The following ARHGEF10 variants were observed in gnomAD, a reference collection of about 807,000 sequenced individuals.
ARHGEF10 encodes Rho guanine nucleotide exchange factor (GEF) 10.
In ARHGEF10, 140 loss-of-function variants were observed where a neutral mutation model predicts 147.4. The ratio of observed to expected loss-of-function variants is 0.95; its 90% CI spans 0.83 to 1.09. The LOEUF is 1.09. Ranked by LOEUF, ARHGEF10 falls within the 50% of genes least tolerant of loss-of-function variation. The pLI, the probability that ARHGEF10 is intolerant of heterozygous loss-of-function variation, is 0.00. For synonymous variants in ARHGEF10, 902 were observed against 695.8 expected, an observed-to-expected ratio of 1.30 and a Z score of -4.67; for missense variants, 2,222 against 1,752.7, an observed-to-expected ratio of 1.27 and a Z score of -4.78.
intron 25 of ARHGEF10, among the ~76,000 whole-genome samples, chr8:1,930,132 C>T (rs1291137716): frequency 1.3e-5 from 2 of 152,026 alleles, no homozygotes; most frequent in Non-Finnish European, 2.9e-5. Context: ...CCTGGCCCCT[C>T]ACTCAGCTCT....
chr8:1,911,616 A>G (rs1811361200), intron 18 of ARHGEF10, among the ~76,000 whole-genome samples: 1 of 152,200 alleles, frequency 6.6e-6, no homozygotes, highest in African/African-American at 2.4e-5. Flanking sequence ...TGGGACTGGC[A>G]GGGCTTCTAT....
intron 28 of ARHGEF10, 149 bp from the exon 29 acceptor site, chr8:1,956,600 T>G (rs924489279): frequency 1.3e-5 from 10 of 748,874 alleles, no homozygotes; most frequent in Non-Finnish European, 2.3e-5. Context: ...ATTTTCATCG[T>G]AGCTTATTAT....
intron 17 of ARHGEF10, among the ~76,000 whole-genome samples, chr8:1,907,359 G>C (rs1810979608): frequency 6.6e-6 from 1 of 152,150 alleles, no homozygotes; most frequent in Non-Finnish European, 1.5e-5. Context: ...CTGCAAGTTG[G>C]CCCACACGAT....
chr8:1,939,512 G>T (rs1813905022), intron 26 of ARHGEF10, among the ~76,000 whole-genome samples: 1 of 152,260 alleles, frequency 6.6e-6, no homozygotes, highest in Non-Finnish European at 1.5e-5. Context: ...AAATCCAGGG[G>T]CATTGCATCC....
At position 1,869,220 on chromosome 8, in the gene ARHGEF10, G is replaced by T. The variant is rs956948650; in HGVS notation, c.649G>T (p.Val217Phe). 6.2e-7 allele frequency: 1 copy of T among 1,613,930 alleles called. No individual in the cohort carries two copies. The highest frequency in any genetic ancestry group is 8.5e-7 in the Non-Finnish European group (1 of 1,179,920). ...ENPEEAIYDDVPRENSDSEPD... is the reference protein window; with the variant it reads ...ENPEEAIYDDFPRENSDSEPD... ...TCCAGAGGAAGCAATTTACGATGAC[G>T]TTCCAAGGGAAAACTCAGACTCTGA... The change falls in exon 7 of 29, where the codon GTT becomes TTT. Residue 217 changes from valine (V) to phenylalanine (F), a missense_variant. Physicochemically the swap from Val to Phe is conservative, Grantham distance 50. Coordinates refer to ENST00000349830, the MANE Select transcript of ARHGEF10 (RefSeq NM_014629.4).
chr8:1,897,679 G>A (rs1199666693), intron 14 of ARHGEF10, among the ~76,000 whole-genome samples: 1 of 152,234 alleles, frequency 6.6e-6, no homozygotes, highest in Admixed American at 6.5e-5. Context: ...TTTGGCTAGG[G>A]AACCATCTCT....
intron 1 of ARHGEF10, among the ~76,000 whole-genome samples, chr8:1,836,947 C>T (rs1198607879): frequency 2.6e-5 from 4 of 152,212 alleles, no homozygotes; most frequent in Non-Finnish European, 5.9e-5. Flanking sequence ...AAGTGCCTTT[C>T]ACCTCCCACA....
In ARHGEF10 at chr8:1,911,635, G is replaced by A. The variant is rs527738121; in HGVS notation, c.2143+2165G>A. On this transcript the variant is annotated intron_variant, in intron 18 of 28. Coordinates refer to ENST00000349830, the MANE Select transcript of ARHGEF10 (RefSeq NM_014629.4). The stretch of plus-strand genomic sequence containing the variant: ...ACTGGCAGGGCTTCTATCCCGACAC[G>A]TCTGGATTCATCCAGGGTGGACCGA... 3.9e-5 allele frequency among the ~76,000 whole-genome samples: 6 copies of A among 152,258 alleles called. No homozygotes were observed. In the East Asian group the frequency reaches 5.8e-4, roughly 15 times the overall value.
chr8:1,900,020 G>A (rs1319593551), intron 15 of ARHGEF10, among the ~76,000 whole-genome samples: 1 of 152,230 alleles, frequency 6.6e-6, no homozygotes, highest in African/African-American at 2.4e-5. Context: ...AGGGACGACA[G>A]CAAGTGCTGA....
Position 1,948,120 on chromosome 8 carries a change from T to G in ARHGEF10, c.3397+2465T>G, listed in dbSNP as rs555909652. ...TAGTTTCCAGGCGGCCGATGATGGA[T>G]CCATCCCAAGCCCACCACAAGCCTC... On this transcript the variant is annotated intron_variant, in intron 27 of 28. Coordinates refer to ENST00000349830, the MANE Select transcript of ARHGEF10 (RefSeq NM_014629.4). This position sits in a 1 kb window ranked among gnomAD's most constrained non-coding sequence, Gnocchi z 4.9. 2.0e-5 allele frequency among the ~76,000 whole-genome samples: 3 copies of G among 152,100 alleles called. No homozygotes were observed. Among genetic ancestry groups the G allele is most frequent in the African/African-American group, 7.2e-5 (3 of 41,508 alleles).
At chr8:1,952,910 C>T (rs1815173264) in intron 28 of ARHGEF10, 83 bp downstream of exon 28, 1 of 1,575,492 alleles carries the variant, frequency 6.3e-7, no homozygotes, top group African/African-American at 1.3e-5. Context: ...GATTTAACAT[C>T]CTAGGATTCT....
intron 11 of ARHGEF10, among the ~76,000 whole-genome samples, chr8:1,889,075 G>A (rs1269153145): frequency 9.3e-6 from 1 of 107,430 alleles, no homozygotes; most frequent in East Asian, 3.3e-4. Context: ...AGTGATTGGG[G>A]TGAGGGGTCC....
At chr8:1,857,932 T>G in intron 2 of ARHGEF10, 28 bp from the exon 3 acceptor site, 1 of 1,472,358 alleles carries the variant, frequency 6.8e-7, no homozygotes, top group Non-Finnish European at 9.5e-7. Flanking sequence ...CTATCTCTCC[T>G]TGATGTGGTT....
At chr8:1,852,289 G>C (rs566723091) in intron 2 of ARHGEF10, among the ~76,000 whole-genome samples, 90 of 65,512 alleles carry the variant, frequency 1.4e-3, no homozygotes, top group African/African-American at 5.7e-3. Context: ...CATCATCCTG[G>C]AGAGGACCGG....
intron 17 of ARHGEF10, among the ~76,000 whole-genome samples, chr8:1,906,220 A>G (rs1810879416): frequency 6.6e-6 from 1 of 152,236 alleles, no homozygotes; most frequent in South Asian, 2.1e-4. Context: ...TGAGAAACTA[A>G]AAGGTCTTCA....
chr8:1,849,074 C>T (rs1236270007), intron 2 of ARHGEF10, among the ~76,000 whole-genome samples: 1 of 152,206 alleles, frequency 6.6e-6, no homozygotes, highest in Non-Finnish European at 1.5e-5. Flanking sequence ...CCCCTAGACA[C>T]CGCTCCCCAC....
At chr8:1,939,672 C>T (rs890093157) in intron 26 of ARHGEF10, among the ~76,000 whole-genome samples, 7 of 152,296 alleles carry the variant, frequency 4.6e-5, no homozygotes, top group African/African-American at 1.2e-4. Context: ...GGAGAAAAAC[C>T]GGGATGCCAC....
intron 2 of ARHGEF10, among the ~76,000 whole-genome samples, chr8:1,851,913 CAA>C (rs10716531): frequency 3.5e-4 from 50 of 142,554 alleles, no homozygotes; most frequent in Middle Eastern, 3.6e-3. Flanking sequence ...GACTCTGTCT[CAA>C]AAAAAAAAAA....
intron 17 of ARHGEF10, 81 bp from the exon 18 acceptor site, chr8:1,909,214 A>G: frequency 6.3e-7 from 1 of 1,586,690 alleles, no homozygotes; most frequent in Non-Finnish European, 8.6e-7. Context: ...GAAGTTTCTC[A>G]CTTGAACATC....
Sources: gnomAD v4.1 joint callset for allele counts (sites outside exome capture counted in the v4.1 genomes callset) on GRCh38, gnomAD v4.1.1 for gene constraint, Gnocchi (gnomAD v3.1) non-coding constraint, MANE v1.5 for transcripts, NCBI Gene and HGNC (gene_info 2026-07-23, HGNC 2026-07-21) for gene names.